TIMP2: variants seen among roughly 807,000 people sequenced by gnomAD.
TIMP2 encodes TIMP metallopeptidase inhibitor 2.
TIMP2 carries 5 observed loss-of-function variants against 24.3 expected under a neutral mutation model. The ratio of observed to expected loss-of-function variants is 0.21; its 90% CI spans 0.11 to 0.43. The LOEUF (loss-of-function observed/expected upper bound fraction) is 0.43, where lower values mean the gene tolerates loss of function less well. TIMP2 is among the 20% of genes least tolerant of loss of function. The pLI, the probability that TIMP2 is intolerant of heterozygous loss-of-function variation, is 1.00. For missense variants in TIMP2, 221 were observed against 297.5 expected (o/e 0.74, Z 1.89); for synonymous variants, 130 against 123.2 (o/e 1.06, Z -0.37).
intron 1 of TIMP2, among the ~76,000 whole-genome samples, chr17:78,918,979 C>CA (rs11333582): frequency 3.4e-5 from 5 of 148,376 alleles, no homozygotes; most frequent in East Asian, 4.0e-4. Flanking sequence ...GACTCCGTCT[C>CA]AAAAAAAAAA....
chr17:78,892,632 T>C (rs2145771505), intron 1 of TIMP2: 1 of 973,888 alleles, frequency 1.0e-6, no homozygotes, highest in East Asian at 2.7e-5. Context: ...CCAATTTCTG[T>C]CCTGTACACT....
chr17:78,919,834 G>A (rs1016268605), intron 1 of TIMP2, among the ~76,000 whole-genome samples: 14 of 151,188 alleles, frequency 9.3e-5, no homozygotes, highest in Non-Finnish European at 1.6e-4. Context: ...ACTCCATCTC[G>A]AAAAAAAAGA....
intron 1 of TIMP2, among the ~76,000 whole-genome samples, chr17:78,894,753 A>G (rs2069970830): frequency 6.6e-6 from 1 of 152,294 alleles, no homozygotes; most frequent in Non-Finnish European, 1.5e-5. Flanking sequence ...GATTTCTTAG[A>G]TACAACACCA....
chr17:78,888,426 C>G (rs530841729), intron 1 of TIMP2, among the ~76,000 whole-genome samples: 1 of 152,006 alleles, frequency 6.6e-6, no homozygotes, highest in Non-Finnish European at 1.5e-5. Flanking sequence ...TCCCAACGTG[C>G]TGGGATTACA....
At chr17:78,880,765 A>T (rs2069772672) in intron 1 of TIMP2, among the ~76,000 whole-genome samples, 1 of 152,228 alleles carries the variant, frequency 6.6e-6, no homozygotes, top group Non-Finnish European at 1.5e-5. Context: ...TCTCTTTATT[A>T]TCTTGCCAGG....
At chr17:78,888,541 C>A (rs1158671077) in intron 1 of TIMP2, among the ~76,000 whole-genome samples, 5 of 152,190 alleles carry the variant, frequency 3.3e-5, no homozygotes, top group African/African-American at 1.2e-4. Flanking sequence ...CGGCCTCAGT[C>A]TCTGGGGCTC....
chr17:78,882,050 G>A (rs1318840859), intron 1 of TIMP2, among the ~76,000 whole-genome samples: 1 of 152,046 alleles, frequency 6.6e-6, no homozygotes, highest in Non-Finnish European at 1.5e-5. Context: ...CTGCAACCTC[G>A]GCCTCCTGGG....
chr17:78,887,737 A>G (rs769937821), intron 1 of TIMP2, among the ~76,000 whole-genome samples: 21 of 87,652 alleles, frequency 2.4e-4, no homozygotes, highest in African/African-American at 7.4e-4. Flanking sequence ...TTTTCTGGGG[A>G]AAAAAAAAAA....
chr17:78,880,254 T>G (rs1214368173), intron 1 of TIMP2, among the ~76,000 whole-genome samples: 2 of 152,194 alleles, frequency 1.3e-5, no homozygotes. Flanking sequence ...ACGTGGGTCC[T>G]GCGTCCTCAC....
chr17:78,914,108 G>T (rs1367693264), intron 1 of TIMP2, among the ~76,000 whole-genome samples: 2 of 152,100 alleles, frequency 1.3e-5, no homozygotes, highest in Admixed American at 1.3e-4. Flanking sequence ...GGGTGCAAGG[G>T]CTGACCTGGG....
intron 1 of TIMP2, among the ~76,000 whole-genome samples, chr17:78,889,819 C>T (rs977627339): frequency 2.6e-5 from 4 of 152,134 alleles, no homozygotes; most frequent in Non-Finnish European, 4.4e-5. Context: ...AAAGGGACTT[C>T]GTTTTAAAGG....
intron 1 of TIMP2, among the ~76,000 whole-genome samples, chr17:78,895,606 T>C (rs1312462150): frequency 6.6e-6 from 1 of 152,196 alleles, no homozygotes. Context: ...AGACTTACCC[T>C]ATGACCCAGA....
intron 1 of TIMP2, chr17:78,897,332 A>C (rs567447814): frequency 6.6e-6 from 1 of 152,308 alleles, no homozygotes; most frequent in African/African-American, 2.4e-5. Context: ...CGCACCCCCA[A>C]GGTATGACGG....
At chr17:78,901,589 G>C (rs1169557351) in intron 1 of TIMP2, among the ~76,000 whole-genome samples, 1 of 152,104 alleles carries the variant, frequency 6.6e-6, no homozygotes, top group Non-Finnish European at 1.5e-5. Flanking sequence ...GTTTGCAAAG[G>C]ATAGAAAAGT....
intron 1 of TIMP2, chr17:78,892,584 C>T: frequency 7.0e-7 from 1 of 1,419,978 alleles, no homozygotes; most frequent in Non-Finnish European, 9.3e-7. Context: ...CCTCCAAGCT[C>T]TCTTGACCCG....
At chr17:78,873,712 G>C in intron 2 of TIMP2, 107 bp downstream of exon 2, 1 of 832,592 alleles carries the variant, frequency 1.2e-6, no homozygotes, top group Non-Finnish European at 2.0e-6. Flanking sequence ...CTCTGCTCTA[G>C]TCCACAGGTG....
intron 1 of TIMP2, among the ~76,000 whole-genome samples, chr17:78,903,748 C>T (rs968363691): frequency 2.2e-4 from 33 of 151,846 alleles, no homozygotes; most frequent in Admixed American, 6.6e-5. Flanking sequence ...GAAGGATGGG[C>T]GAGGGAAGCT....
At chr17:78,869,121 C>T (rs4796823) in intron 3 of TIMP2, among the ~76,000 whole-genome samples, 63,650 of 152,120 alleles carry the variant, frequency 0.42, 13,527 homozygotes, top group African/African-American at 0.45. Flanking sequence ...AATAATTTTA[C>T]TTAGGAATAA....
intron 1 of TIMP2, among the ~76,000 whole-genome samples, chr17:78,883,259 T>C (rs1280316487): frequency 6.6e-6 from 1 of 152,102 alleles, no homozygotes; most frequent in Non-Finnish European, 1.5e-5. Flanking sequence ...ACACCGGAAG[T>C]GAAGACATGG....
Sources: gnomAD v4.1 joint callset for allele counts (sites outside exome capture counted in the v4.1 genomes callset) on GRCh38, gnomAD v4.1.1 for gene constraint, MANE v1.5 for transcripts, NCBI Gene and HGNC (gene_info 2026-07-23, HGNC 2026-07-21) for gene names.